Variants in KAZN observed in about 807,000 individuals in gnomAD.
The protein encoded by KAZN is kazrin.
KAZN carries 40 observed loss-of-function variants against 87.4 expected under a neutral mutation model. That is an observed-to-expected ratio of 0.46 (90% CI 0.36 to 0.60). KAZN has a LOEUF of 0.60. KAZN is among the 20% of genes least tolerant of loss of function. KAZN has a pLI of 0.00. For synonymous variants in KAZN, 466 were observed against 458.3 expected, an observed-to-expected ratio of 1.02 and a Z score of -0.22; for missense variants, 898 against 1,073.9, an observed-to-expected ratio of 0.84 and a Z score of 2.29.
At chr1:14,309,947 T>A (rs1655172486) in intron 2 of KAZN, among the ~76,000 whole-genome samples, 1 of 151,886 alleles carries the variant, frequency 6.6e-6, no homozygotes, top group African/African-American at 2.4e-5. Context: ...AGAAAGCAGC[T>A]GTTGTTCTTT....
chr1:14,980,841 G>T (rs1396155863), intron 2 of KAZN, among the ~76,000 whole-genome samples: 1 of 152,130 alleles, frequency 6.6e-6, no homozygotes, highest in Non-Finnish European at 1.5e-5. Flanking sequence ...TCAGATCGAG[G>T]CCTCAGGAGG....
At chr1:14,417,359 G>T (rs894736667) in intron 2 of KAZN, among the ~76,000 whole-genome samples, 5 of 152,192 alleles carry the variant, frequency 3.3e-5, no homozygotes, top group Non-Finnish European at 7.3e-5. Context: ...AAGTGTTACA[G>T]TGAGGTTCTT....
At chr1:14,870,575 A>T (rs184256206) in intron 1 of KAZN, among the ~76,000 whole-genome samples, 128 of 152,262 alleles carry the variant, frequency 8.4e-4, no homozygotes, top group African/African-American at 3.0e-3. Context: ...TCCTGACCTC[A>T]AGTGATCTGC....
At chr1:14,164,855 G>A (rs1645791007) in intron 1 of KAZN, among the ~76,000 whole-genome samples, 1 of 152,066 alleles carries the variant, frequency 6.6e-6, no homozygotes, top group South Asian at 2.1e-4. Flanking sequence ...CCTCTTAAAG[G>A]AGGCGGACTC....
intron 8 of KAZN, among the ~76,000 whole-genome samples, chr1:15,086,636 G>A (rs112222485): frequency 4.5e-4 from 68 of 152,274 alleles, no homozygotes; most frequent in African/African-American, 1.6e-3. Context: ...TTAAGCAAAC[G>A]TTATCAGTAT....
At chr1:14,633,878 C>CTA (rs1432741091) in intron 1 of KAZN, among the ~76,000 whole-genome samples, 3 of 151,582 alleles carry the variant, frequency 2.0e-5, no homozygotes, top group Non-Finnish European at 4.4e-5. Context: ...CTCTCTCTCT[C>CTA]TCTCTCTATA....
chr1:14,671,311 T>C (rs937265450), intron 1 of KAZN, among the ~76,000 whole-genome samples: 1 of 152,246 alleles, frequency 6.6e-6, no homozygotes, highest in African/African-American at 2.4e-5. Context: ...TTCATTTAGG[T>C]ATCTGCAGTA....
At chr1:15,080,660 A>G (rs1259768412) in intron 8 of KAZN, among the ~76,000 whole-genome samples, 1 of 152,222 alleles carries the variant, frequency 6.6e-6, no homozygotes, top group Non-Finnish European at 1.5e-5. Flanking sequence ...GTTTTTTCAC[A>G]TTATCATGAA....
At chr1:14,664,171 G>A (rs1262113889) in intron 1 of KAZN, among the ~76,000 whole-genome samples, 1 of 152,206 alleles carries the variant, frequency 6.6e-6, no homozygotes, top group African/African-American at 2.4e-5. Flanking sequence ...AGTGGCTCAC[G>A]CCTGTCATCC....
intron 2 of KAZN, among the ~76,000 whole-genome samples, chr1:14,235,608 C>T (rs573087016): frequency 1.1e-4 from 16 of 152,104 alleles, no homozygotes; most frequent in South Asian, 2.1e-4. Context: ...TTTTGTGGTA[C>T]GTGAATTATA....
intron 1 of KAZN, among the ~76,000 whole-genome samples, chr1:14,858,485 T>C (rs1436468406): frequency 6.6e-6 from 1 of 152,208 alleles, no homozygotes; most frequent in East Asian, 1.9e-4. Context: ...AGTGTTGGGA[T>C]TACAGGCGTG....
chr1:14,707,100 G>A (rs771490178), intron 1 of KAZN, among the ~76,000 whole-genome samples: 9 of 152,158 alleles, frequency 5.9e-5, no homozygotes, highest in African/African-American at 2.2e-4. Context: ...GTTGGCATTC[G>A]AAAACCTTTG....
rs550768223 is a variant in KAZN at position 14,776,508 on chromosome 1, CTCT to C, written c.226+177293_226+177295del. Reference sequence around the variant, plus strand: ...TGGACACAAGGTCTCCTTCAAATACCTCTTCTTCTTATACTGTTGAACTTTAAG... The same window carrying C: ...TGGACACAAGGTCTCCTTCAAATACCTCTTCTTATACTGTTGAACTTTAAG... On this transcript the variant is annotated intron_variant, in intron 1 of 14. Coordinates refer to ENST00000376030, the MANE Select transcript of KAZN (RefSeq NM_201628.3). Among the ~76,000 whole-genome samples, 21 of 152,294 alleles carry C rather than the reference CTCT, an allele frequency of 1.4e-4. No individual in the cohort carries two copies. The South Asian group carries it at 3.5e-3, about 26-fold the overall frequency.
intron 2 of KAZN, among the ~76,000 whole-genome samples, chr1:14,321,631 T>A (rs867160527): frequency 2.6e-5 from 4 of 152,194 alleles, no homozygotes; most frequent in Non-Finnish European, 2.9e-5. Context: ...CAGAAAATGA[T>A]CATTGTGTAC....
intron 1 of KAZN, among the ~76,000 whole-genome samples, chr1:14,032,155 C>T (rs1242713780): frequency 1.3e-5 from 2 of 152,164 alleles, no homozygotes; most frequent in Non-Finnish European, 2.9e-5. Flanking sequence ...CTCCTCCCTT[C>T]TGATCTGTTT....
intron 2 of KAZN, among the ~76,000 whole-genome samples, chr1:14,989,439 G>T (rs547259160): frequency 2.6e-4 from 40 of 152,322 alleles, no homozygotes; most frequent in African/African-American, 9.6e-4. Context: ...TAGTGCCACT[G>T]CACTCCAGCC....
intron 1 of KAZN, among the ~76,000 whole-genome samples, chr1:14,089,565 T>G (rs534826301): frequency 3.0e-4 from 46 of 152,276 alleles, no homozygotes; most frequent in African/African-American, 1.1e-3. Context: ...TACTTTCATT[T>G]CCTCCCTACT....
intron 2 of KAZN, among the ~76,000 whole-genome samples, chr1:14,222,680 G>A (rs1027655107): frequency 3.9e-5 from 6 of 152,160 alleles, no homozygotes; most frequent in Non-Finnish European, 8.8e-5. Flanking sequence ...AAATACAGAG[G>A]AAATTTTGGC....
Position 14,374,215 on chromosome 1 carries a change from G to A in KAZN, c.249+193623G>A, listed in dbSNP as rs1343904058. Among the ~76,000 whole-genome samples the A allele has an allele frequency of 2.0e-5, 3 of 152,180 alleles. No homozygotes were observed. The East Asian group carries it at 5.8e-4, about 29-fold the overall frequency. ...AAGATCAACAAAATCCCAGCTGCCT[G>A]TCCTTGTAGGTGTCCTGACCACACC... is the stretch of plus-strand genomic sequence containing the variant. On this transcript the variant is annotated intron_variant, in intron 2 of 16. Coordinates refer to the KAZN transcript ENST00000636203.
Sources: gnomAD v4.1 joint callset for allele counts (sites outside exome capture counted in the v4.1 genomes callset) on GRCh38, gnomAD v4.1.1 for gene constraint, MANE v1.5 for transcripts, NCBI Gene and HGNC (gene_info 2026-07-23, HGNC 2026-07-21) for gene names.